The following GRIK2 variants were observed in gnomAD, a reference collection of about 807,000 sequenced individuals.
The protein encoded by GRIK2 is glutamate receptor ionotropic, kainate 2.
A neutral mutation model predicts 100.3 loss-of-function variants in GRIK2; 32 were observed. That is an observed-to-expected ratio of 0.32 (90% CI 0.24 to 0.43). The LOEUF (loss-of-function observed/expected upper bound fraction) is 0.43. GRIK2 is among the 20% of genes least tolerant of loss of function. The pLI is 1.00. For synonymous variants in GRIK2, 417 were observed against 389.4 expected, an observed-to-expected ratio of 1.07 and a Z score of -0.83; for missense variants, 843 against 1,114.9, an observed-to-expected ratio of 0.76 and a Z score of 3.47.
At chr6:101,577,075 A>G (rs1057175401) in intron 2 of GRIK2, among the ~76,000 whole-genome samples, 13 of 152,040 alleles carry the variant, frequency 8.6e-5, no homozygotes, top group African/African-American at 3.1e-4. Flanking sequence ...TTTCTTAAAG[A>G]TGTCATTAGA....
At chr6:101,794,191 G>C (rs145521569) in intron 7 of GRIK2, among the ~76,000 whole-genome samples, 1 of 151,986 alleles carries the variant, frequency 6.6e-6, no homozygotes, top group Non-Finnish European at 1.5e-5. Context: ...GCCCTGCTTC[G>C]GCTCGCGCAC....
intron 4 of GRIK2, among the ~76,000 whole-genome samples, chr6:101,652,913 AG>A (rs1219551634): frequency 3.9e-5 from 6 of 152,120 alleles, no homozygotes; most frequent in Admixed American, 3.9e-4. Context: ...GGAAAGAGGA[AG>A]AGAACTGGAC....
chr6:101,760,677 T>TGTTTA (rs1777561831), intron 7 of GRIK2, among the ~76,000 whole-genome samples: 2 of 111,648 alleles, frequency 1.8e-5, no homozygotes, highest in African/African-American at 6.9e-5. Flanking sequence ...TATAATTATA[T>TGTTTA]ATTTAATTAT....
intron 12 of GRIK2, among the ~76,000 whole-genome samples, chr6:101,896,271 C>T (rs1415137828): frequency 1.3e-5 from 2 of 151,584 alleles, no homozygotes; most frequent in Admixed American, 1.3e-4. Flanking sequence ...CAACAGAGCT[C>T]TTGACTGAAA....
intron 7 of GRIK2, among the ~76,000 whole-genome samples, chr6:101,725,118 C>T (rs184068019): frequency 2.6e-4 from 40 of 152,138 alleles, no homozygotes; most frequent in Admixed American, 2.1e-3. Flanking sequence ...TGGCTTTACA[C>T]GGGTAATAAT....
chr6:101,786,315 A>C (rs1017268350), intron 7 of GRIK2, among the ~76,000 whole-genome samples: 1 of 151,470 alleles, frequency 6.6e-6, no homozygotes, highest in Admixed American at 6.6e-5. Flanking sequence ...GATTGCTCTG[A>C]GTAGGACTTT....
At chr6:101,659,979 G>A (rs1398341186) in intron 4 of GRIK2, among the ~76,000 whole-genome samples, 1 of 152,078 alleles carries the variant, frequency 6.6e-6, no homozygotes, top group Non-Finnish European at 1.5e-5. Context: ...GAGTATCTTT[G>A]TGGTGTTCTC....
At chr6:101,954,248 A>G (rs1407906830) in intron 14 of GRIK2, among the ~76,000 whole-genome samples, 2 of 152,102 alleles carry the variant, frequency 1.3e-5, no homozygotes, top group African/African-American at 4.8e-5. Context: ...TTTTGGGATA[A>G]CTGACAAATT....
intron 14 of GRIK2, among the ~76,000 whole-genome samples, chr6:101,939,156 T>C (rs528430253): frequency 6.6e-6 from 1 of 152,170 alleles, no homozygotes; most frequent in South Asian, 2.1e-4. Context: ...GGATATAATT[T>C]ATTGTTGAGT....
chr6:102,063,208 A>G (rs1771842554), intron 16 of GRIK2, among the ~76,000 whole-genome samples: 1 of 150,682 alleles, frequency 6.6e-6, no homozygotes. Flanking sequence ...TCCAAGTAGG[A>G]TAAGTAGAAA....
At chr6:101,485,007 C>T (rs1772743212) in intron 2 of GRIK2, among the ~76,000 whole-genome samples, 1 of 152,150 alleles carries the variant, frequency 6.6e-6, no homozygotes, top group African/African-American at 2.4e-5. Context: ...AAACACATTT[C>T]TCCTATCAGG....
At chr6:102,030,571 A>G (rs955740717) in intron 14 of GRIK2, among the ~76,000 whole-genome samples, 4 of 151,206 alleles carry the variant, frequency 2.6e-5, no homozygotes, top group African/African-American at 7.3e-5. Flanking sequence ...GAAATTATTC[A>G]GTTTTCATTG....
At chr6:101,660,517 G>T (rs2128333550) in intron 4 of GRIK2, among the ~76,000 whole-genome samples, 1 of 152,216 alleles carries the variant, frequency 6.6e-6, no homozygotes, top group South Asian at 2.1e-4. Flanking sequence ...TTCCCTTGCT[G>T]GTGAGGAGTT....
intron 11 of GRIK2, among the ~76,000 whole-genome samples, chr6:101,869,168 C>A (rs1204722327): frequency 1.3e-5 from 2 of 151,780 alleles, no homozygotes; most frequent in African/African-American, 4.8e-5. Flanking sequence ...CACACGTGAC[C>A]AAAACGGTGT....
intron 4 of GRIK2, among the ~76,000 whole-genome samples, chr6:101,661,610 A>T (rs1769618741): frequency 6.6e-6 from 1 of 151,824 alleles, no homozygotes; most frequent in South Asian, 2.1e-4. Context: ...TGGTGTAGGA[A>T]CCTGAGGAAT....
intron 2 of GRIK2, among the ~76,000 whole-genome samples, chr6:101,533,097 T>C (rs368284319): frequency 4.6e-5 from 7 of 151,976 alleles, no homozygotes; most frequent in South Asian, 2.1e-4. Context: ...CTATTCATCC[T>C]TAGCTTTTAG....
intron 7 of GRIK2, among the ~76,000 whole-genome samples, chr6:101,778,463 G>T (rs1358165684): frequency 6.6e-6 from 1 of 152,092 alleles, no homozygotes; most frequent in Non-Finnish European, 1.5e-5. Flanking sequence ...CAGGCCACGA[G>T]TGCTAATAAA....
chr6:101,935,473 G>GT (rs1274025443), intron 14 of GRIK2, among the ~76,000 whole-genome samples: 1 of 151,810 alleles, frequency 6.6e-6, no homozygotes, highest in Non-Finnish European at 1.5e-5. Flanking sequence ...TTTATCGTAG[G>GT]TTTTTCTATC....
At chr6:101,609,095 A>G (rs9390762) in intron 2 of GRIK2, among the ~76,000 whole-genome samples, 1 of 151,506 alleles carries the variant, frequency 6.6e-6, no homozygotes, top group African/African-American at 2.4e-5. Context: ...TTTGCATGCA[A>G]ACTCATATAT....
Sources: gnomAD v4.1 joint callset for allele counts (sites outside exome capture counted in the v4.1 genomes callset) on GRCh38, gnomAD v4.1.1 for gene constraint, MANE v1.5 for transcripts, NCBI Gene and HGNC (gene_info 2026-07-23, HGNC 2026-07-21) for gene names.